The following RASA4 variants were observed in gnomAD, a reference collection of about 807,000 sequenced individuals.
The protein encoded by RASA4 is RAS p21 protein activator 4, also known as ras GTPase-activating protein 4.
In RASA4, 5 loss-of-function variants were observed where a neutral mutation model predicts 24.0. That is an observed-to-expected ratio of 0.21 (90% CI 0.11 to 0.44). The LOEUF is 0.44. Among genes scored for constraint, RASA4 ranks in the 20% least tolerant of loss-of-function variants. RASA4 has a pLI of 0.99. For synonymous variants in RASA4, 9 were observed against 132.7 expected, an observed-to-expected ratio of 0.07 and a Z score of 6.41; for missense variants, 38 against 293.0, an observed-to-expected ratio of 0.13 and a Z score of 6.35.
chr7:102,614,301 CA>C (rs1447968995), intron 1 of RASA4, among the ~76,000 whole-genome samples: 1 of 131,268 alleles, frequency 7.6e-6, no homozygotes, highest in Admixed American at 7.7e-5. Flanking sequence ...AGCCTGTCGG[CA>C]GCAAAGGCAA....
chr7:102,604,965 T>TCAGACC (rs1368892969), intron 5 of RASA4, among the ~76,000 whole-genome samples: 1 of 123,126 alleles, frequency 8.1e-6, no homozygotes. Context: ...AGAGTGTGAC[T>TCAGACC]CAGACCCAGG....
At chr7:102,586,018 AT>A (rs1355314363) in intron 18 of RASA4, among the ~76,000 whole-genome samples, 1 of 120,936 alleles carries the variant, frequency 8.3e-6, no homozygotes. Context: ...TGCCTGGCTA[AT>A]TTTTTTTTTG....
At chr7:102,597,582 C>T (rs1191064659) in intron 8 of RASA4, among the ~76,000 whole-genome samples, 3 of 111,454 alleles carry the variant, frequency 2.7e-5, no homozygotes, top group South Asian at 4.3e-4. Flanking sequence ...CCCGCCACCA[C>T]ATCCGGGTAA....
chr7:102,602,580 A>AT (rs2133466703), intron 5 of RASA4, among the ~76,000 whole-genome samples, 175 bp from the exon 6 acceptor site: 1 of 44,794 alleles, frequency 2.2e-5, no homozygotes, highest in African/African-American at 1.1e-4. Flanking sequence ...TCCCATAGCC[A>AT]TCTCCCCAGG....
rs1789666420 is a variant in RASA4 at position 102,580,930 on chromosome 7, A to T, written c.*1841T>A. On this transcript the variant is annotated 3_prime_UTR_variant, in exon 21 of 21. Coordinates refer to ENST00000262940, the MANE Select transcript of RASA4 (RefSeq NM_006989.6). Reference sequence around the variant, plus strand: ...AAACAACCTATTTGAGCTCTGAGGTAGATGTCTAAGTTCAAAGCCCACTCC... The same window carrying T: ...AAACAACCTATTTGAGCTCTGAGGTTGATGTCTAAGTTCAAAGCCCACTCC... The T allele has an allele frequency of 8.1e-6, 1 of 123,572 alleles. No homozygotes were observed. Among genetic ancestry groups the T allele is most frequent in the Admixed American group, 8.8e-5 (1 of 11,428 alleles). The allele number at this position is 123,572 out of a possible 1,614,324, so 7.7% of individuals were successfully genotyped here.
At position 102,606,402 on chromosome 7, in the gene RASA4, A is replaced by AT. The variant is rs1427086210; in HGVS notation, c.299-416_299-415insA. ...CAGAGCAAGACCCCATCTCAAAAAA[A>AT]AAAAAAAAAAAAAAAAAAAAAGATG... is the stretch of plus-strand genomic sequence containing the variant. On this transcript the variant is annotated intron_variant, in intron 4 of 20. Transcript: ENST00000262940. Among the ~76,000 whole-genome samples the AT allele has an allele frequency of 3.8e-4, 7 of 18,282 alleles. No homozygotes were observed. The South Asian group carries it at 0.01, about 27-fold the overall frequency. The allele number at this position is 18,282 out of a possible 152,430, so 12.0% of individuals were successfully genotyped here.
chr7:102,603,274 C>CTT (rs370234047), intron 5 of RASA4, among the ~76,000 whole-genome samples: 12,045 of 86,044 alleles, frequency 0.14, no homozygotes, highest in Non-Finnish European at 0.19. Context: ...TTATTCTTTT[C>CTT]TTTTTTTTTT....
Position 102,580,851 on chromosome 7 carries a change from A to G in RASA4, c.*1920T>C, listed in dbSNP as rs1399057501. The G allele has an allele frequency of 2.2e-5, 3 of 136,778 alleles. No individual in the cohort carries two copies. The highest frequency in any genetic ancestry group is 7.7e-5 in the African/African-American group (3 of 39,192). 8.5% of individuals were successfully genotyped at this position (136,778 alleles called of 1,614,324 possible). A position where few individuals can be genotyped will look rare whatever the true frequency, so the allele number is the denominator to read the frequency against. On this transcript the variant is annotated 3_prime_UTR_variant, in exon 21 of 21. Coordinates refer to ENST00000262940, the MANE Select transcript of RASA4 (RefSeq NM_006989.6). ...CAGTGAGACTCTGTCTCAAAAAAAA[A>G]AAAAAAAAAAAAACTATAAAGTTCC... is the stretch of plus-strand genomic sequence containing the variant.
intron 16 of RASA4, among the ~76,000 whole-genome samples, chr7:102,590,886 G>A (rs1229801454): frequency 2.8e-5 from 4 of 141,534 alleles, no homozygotes; most frequent in Non-Finnish European, 6.1e-5. Context: ...GTTGCGGTGA[G>A]CCAAGATCGC....
rs1164953357 is a variant in RASA4 at position 102,580,389 on chromosome 7, C to CT, written c.*2381dup. ...AAAATTTCAAGTCTCCTTTATTTTC[C>CT]TTTTTTTTTTTTTTTTTTTTTTAAT... On this transcript the variant is annotated 3_prime_UTR_variant, in exon 21 of 21. Coordinates refer to ENST00000262940, the MANE Select transcript of RASA4 (RefSeq NM_006989.6). 2 of 56,734 alleles carry CT rather than the reference C, an allele frequency of 3.5e-5. No individual in the cohort carries two copies. Among genetic ancestry groups the CT allele is most frequent in the African/African-American group, 9.8e-5 (2 of 20,424 alleles). The allele number at this position is 56,734 out of a possible 1,614,324, so 3.5% of individuals were successfully genotyped here. A position where few individuals can be genotyped will look rare whatever the true frequency, so the allele number is the denominator to read the frequency against.
intron 16 of RASA4, among the ~76,000 whole-genome samples, chr7:102,591,182 C>T (rs1340655690): frequency 5.6e-5 from 5 of 88,516 alleles, no homozygotes; most frequent in South Asian, 3.7e-4. Flanking sequence ...CCCAGCTACT[C>T]GGGAGGCTGA....
intron 8 of RASA4, 94 bp from the exon 9 acceptor site, chr7:102,596,223 G>C (rs1271219607): frequency 7.7e-7 from 1 of 1,293,116 alleles, no homozygotes; most frequent in African/African-American, 1.4e-5. Context: ...CTTGGGGCCG[G>C]CTTCCCATCT....
At chr7:102,603,274 CTT>C (rs370234047) in intron 5 of RASA4, among the ~76,000 whole-genome samples, 1 of 92,278 alleles carries the variant, frequency 1.1e-5, no homozygotes, top group African/African-American at 3.5e-5. Context: ...TTATTCTTTT[CTT>C]TTTTTTTTTT....
rs752931926 is a variant in RASA4, at chr7:102,598,349, CAAAA to C, written c.737+1507_737+1510del. 9.6e-3 allele frequency among the ~76,000 whole-genome samples: 917 copies of C among 95,460 alleles called. 1 individual carries two copies. The highest frequency in any genetic ancestry group is 0.012 in the Admixed American group (100 of 8,276). The allele number at this position is 95,460 out of a possible 152,430, so 62.6% of individuals were successfully genotyped here. On this transcript the variant is annotated intron_variant, in intron 8 of 20. Transcript: ENST00000262940. ...CTAGGTGACAGAGTGAGATTCTGCTCAAAAAAAAAAAATATATATATATATATTC... is the reference window on the plus strand; with the variant it reads ...CTAGGTGACAGAGTGAGATTCTGCTCAAAAAAAATATATATATATATATTC...
chr7:102,612,407 G>GGGGAAA (rs1258235989), intron 1 of RASA4, among the ~76,000 whole-genome samples: 1 of 139,692 alleles, frequency 7.2e-6, no homozygotes, highest in East Asian at 2.2e-4. Context: ...ACAGCTATCT[G>GGGGAAA]GGGAAAGAGG....
In RASA4 at chr7:102,580,028, C is replaced by T. The variant is rs1484734075; in HGVS notation, c.*2743G>A. ...GAACTCCTGAGCTCAAGCGATTCTCCCACCTCAGCCTGCCAAGTAGCTGGG... is the reference window on the plus strand; with the variant it reads ...GAACTCCTGAGCTCAAGCGATTCTCTCACCTCAGCCTGCCAAGTAGCTGGG... On this transcript the variant is annotated 3_prime_UTR_variant, in exon 21 of 21. Coordinates refer to ENST00000262940, the MANE Select transcript of RASA4 (RefSeq NM_006989.6). The T allele has an allele frequency of 1.3e-5, 4 of 304,738 alleles. No homozygotes were observed. Among genetic ancestry groups the T allele is most frequent in the African/African-American group, 8.8e-5 (4 of 45,318 alleles). The allele number at this position is 304,738 out of a possible 1,614,324, so 18.9% of individuals were successfully genotyped here. A position where few individuals can be genotyped will look rare whatever the true frequency, so the allele number is the denominator to read the frequency against.
intron 1 of RASA4, among the ~76,000 whole-genome samples, chr7:102,612,464 T>TG (rs1790910097): frequency 8.7e-6 from 1 of 114,686 alleles, no homozygotes; most frequent in East Asian, 2.6e-4. Context: ...TCTCAGGTGT[T>TG]GGGGGGCTCC....
intron 16 of RASA4, among the ~76,000 whole-genome samples, chr7:102,591,190 T>TG (rs1789982873): frequency 1.1e-5 from 1 of 91,020 alleles, no homozygotes; most frequent in Non-Finnish European, 2.1e-5. Flanking sequence ...CTCGGGAGGC[T>TG]GAGGTAGGAA....
intron 8 of RASA4, among the ~76,000 whole-genome samples, chr7:102,599,476 A>G (rs1356138077): frequency 1.3e-5 from 1 of 75,054 alleles, no homozygotes; most frequent in Non-Finnish European, 2.9e-5. Flanking sequence ...TCTCTACTAA[A>G]AATGCAAAAA....
Sources: gnomAD v4.1 joint callset for allele counts (sites outside exome capture counted in the v4.1 genomes callset) on GRCh38, gnomAD v4.1.1 for gene constraint, MANE v1.5 for transcripts, NCBI Gene and HGNC (gene_info 2026-07-23, HGNC 2026-07-21) for gene names.